ADGRL2: variants seen among roughly 807,000 people sequenced by gnomAD.
The protein encoded by ADGRL2 is calcium-independent alpha-latrotoxin receptor 2.
ADGRL2 carries 44 observed loss-of-function variants against 157.4 expected under a neutral mutation model. The observed-to-expected ratio is 0.28, with a 90% CI of 0.22 to 0.36. The LOEUF is 0.36. Ranked by LOEUF, ADGRL2 falls within the 10% of genes least tolerant of loss-of-function variation. The pLI, the probability that ADGRL2 is intolerant of heterozygous loss-of-function variation, is 1.00. For missense variants in ADGRL2, 1,510 were observed against 1,768.9 expected, an observed-to-expected ratio of 0.85 and a Z score of 2.63; for synonymous variants, 585 against 624.7, an observed-to-expected ratio of 0.94 and a Z score of 0.95.
intron 1 of ADGRL2, among the ~76,000 whole-genome samples, chr1:81,708,192 T>C (rs1446260281): frequency 6.6e-6 from 1 of 152,160 alleles, no homozygotes; most frequent in Non-Finnish European, 1.5e-5. Context: ...AAACTTGCCT[T>C]GCACGGTTGT....
At chr1:81,841,482 T>C (rs575003698) in intron 2 of ADGRL2, among the ~76,000 whole-genome samples, 29 of 152,190 alleles carry the variant, frequency 1.9e-4, no homozygotes, top group Non-Finnish European at 3.8e-4. Context: ...TTCTGGCATA[T>C]AGATATTTCC....
chr1:81,810,961 T>C (rs1205553680), intron 1 of ADGRL2, among the ~76,000 whole-genome samples: 1 of 151,934 alleles, frequency 6.6e-6, no homozygotes, highest in Non-Finnish European at 1.5e-5. Context: ...GTGCTTCCTC[T>C]TGATAGCTCA....
At chr1:81,840,087 C>G (rs757052389) in intron 2 of ADGRL2, among the ~76,000 whole-genome samples, 4 of 151,662 alleles carry the variant, frequency 2.6e-5, no homozygotes, top group Admixed American at 6.6e-5. Flanking sequence ...TTGAGAAGCT[C>G]ATGGTCTTGT....
At chr1:81,721,713 A>ACTGCT in intron 1 of ADGRL2, 2 of 1,384,372 alleles carry the variant, frequency 1.4e-6, no homozygotes, top group Non-Finnish European at 2.0e-6. Context: ...CGCAAAGTGA[A>ACTGCT]CGAGCAGGCC....
chr1:81,664,216 T>A (rs1347707001), intron 3 of ADGRL2, among the ~76,000 whole-genome samples: 2 of 152,172 alleles, frequency 1.3e-5, no homozygotes, highest in African/African-American at 4.8e-5. Flanking sequence ...AATAAACAGA[T>A]GAAAAGATAA....
chr1:81,652,626 G>A (rs949240152), intron 3 of ADGRL2, among the ~76,000 whole-genome samples: 1 of 152,058 alleles, frequency 6.6e-6, no homozygotes, highest in African/African-American at 2.4e-5. Context: ...CTCAAATAAG[G>A]TCATAGTAAC....
chr1:81,359,676 C>G (rs1473468177), intron 1 of ADGRL2, among the ~76,000 whole-genome samples: 1 of 151,932 alleles, frequency 6.6e-6, no homozygotes, highest in Non-Finnish European at 1.5e-5. Context: ...ACACACTTGT[C>G]ATCTCTACCT....
At chr1:81,562,205 G>A (rs1288405257) in intron 2 of ADGRL2, among the ~76,000 whole-genome samples, 1 of 152,120 alleles carries the variant, frequency 6.6e-6, no homozygotes, top group Non-Finnish European at 1.5e-5. Context: ...TGTGCAAAAA[G>A]AGGCCCTCAA....
intron 1 of ADGRL2, among the ~76,000 whole-genome samples, chr1:81,400,792 A>C (rs2076739367): frequency 6.6e-6 from 1 of 152,152 alleles, no homozygotes; most frequent in Non-Finnish European, 1.5e-5. Context: ...AGGGTATCTC[A>C]GCAGTTCAGA....
At chr1:81,545,811 C>T (rs2080002045) in intron 2 of ADGRL2, among the ~76,000 whole-genome samples, 1 of 152,084 alleles carries the variant, frequency 6.6e-6, no homozygotes, top group African/African-American at 2.4e-5. Flanking sequence ...TCCTAACCCC[C>T]ACACTATCAA....
chr1:81,830,529 A>G (rs1220759060), intron 1 of ADGRL2, among the ~76,000 whole-genome samples: 1 of 152,106 alleles, frequency 6.6e-6, no homozygotes, highest in Non-Finnish European at 1.5e-5. Context: ...TTTTTTTGAG[A>G]TGGAGTCTCG....
At chr1:81,887,502 T>C (rs1275280399) in intron 2 of ADGRL2, among the ~76,000 whole-genome samples, 1 of 152,228 alleles carries the variant, frequency 6.6e-6, no homozygotes, top group Admixed American at 6.5e-5. Context: ...GAAATTTGCA[T>C]TAATTATATG....
At chr1:81,851,519 T>C (rs2093004588) in intron 2 of ADGRL2, among the ~76,000 whole-genome samples, 1 of 151,896 alleles carries the variant, frequency 6.6e-6, no homozygotes, top group African/African-American at 2.4e-5. Context: ...AAGGAGGACA[T>C]TTTATCTTCA....
chr1:81,662,666 T>C (rs1290615162), intron 3 of ADGRL2, among the ~76,000 whole-genome samples: 1 of 151,884 alleles, frequency 6.6e-6, no homozygotes, highest in East Asian at 1.9e-4. Flanking sequence ...GCGATTCTCC[T>C]ACCTCAGCCT....
At chr1:81,312,843 C>CCAAAGACATTTAAAAAT (rs1644451102) in intron 1 of ADGRL2, among the ~76,000 whole-genome samples, 1 of 151,970 alleles carries the variant, frequency 6.6e-6, no homozygotes, top group Admixed American at 6.6e-5. Context: ...AAAACAAAAA[C>CCAAAGACATTTAAAAAT]CAAAGACATT....
At chr1:81,958,338 G>A (rs1211622021) in intron 11 of ADGRL2, among the ~76,000 whole-genome samples, 1 of 151,836 alleles carries the variant, frequency 6.6e-6, no homozygotes, top group Non-Finnish European at 1.5e-5. Flanking sequence ...TTGGGGGTGG[G>A]GGGAAGGGCC....
intron 2 of ADGRL2, among the ~76,000 whole-genome samples, chr1:81,483,882 T>C (rs2078444200): frequency 6.6e-6 from 1 of 152,180 alleles, no homozygotes; most frequent in African/African-American, 2.4e-5. Context: ...ATTCCCTAAA[T>C]CATGGTGTCT....
chr1:81,320,797 G>C (rs1660450055), intron 1 of ADGRL2, among the ~76,000 whole-genome samples: 1 of 152,134 alleles, frequency 6.6e-6, no homozygotes, highest in Non-Finnish European at 1.5e-5. Context: ...TTCTCGAGTA[G>C]ATTTAGCATA....
At chr1:81,967,824 T>G (rs1301051493) in intron 13 of ADGRL2, among the ~76,000 whole-genome samples, 1 of 152,194 alleles carries the variant, frequency 6.6e-6, no homozygotes, top group Non-Finnish European at 1.5e-5. Context: ...TAAAGTACAC[T>G]TTAGAGTCTT....
Sources: allele counts gnomAD v4.1 joint callset (sites outside exome capture counted in the v4.1 genomes callset), GRCh38; gene constraint gnomAD v4.1.1; transcripts MANE v1.5; gene names NCBI Gene and HGNC (gene_info 2026-07-23, HGNC 2026-07-21).